RAB27A: variants seen among roughly 807,000 people sequenced by gnomAD.
The protein encoded by RAB27A is ras-related protein Rab-27A.
Under a neutral mutation model 20.8 loss-of-function variants are expected in RAB27A, and 17 were observed. The ratio of observed to expected loss-of-function variants is 0.82; its 90% CI spans 0.56 to 1.23. The LOEUF is 1.23. Ranked by LOEUF, RAB27A falls within the 50% of genes most tolerant of loss-of-function variation. RAB27A has a pLI of 0.00. For missense variants in RAB27A, 277 were observed against 266.7 expected (o/e 1.04, Z -0.27); for synonymous variants, 85 against 92.8 (o/e 0.92, Z 0.48).
chr15:55,312,096 AC>A (rs2055023470), intron 2 of RAB27A, among the ~76,000 whole-genome samples: 1 of 152,210 alleles, frequency 6.6e-6, no homozygotes, highest in African/African-American at 2.4e-5. Flanking sequence ...ATTAGGACGA[AC>A]CCAGGCTCTT....
intron 2 of RAB27A, among the ~76,000 whole-genome samples, chr15:55,307,717 G>A (rs940099492): frequency 3.3e-5 from 5 of 150,522 alleles, no homozygotes; most frequent in South Asian, 2.1e-4. Context: ...CTGTGATTTT[G>A]GCATGTGGAT....
intron 2 of RAB27A, among the ~76,000 whole-genome samples, chr15:55,254,397 A>C (rs1566922648): frequency 6.6e-6 from 1 of 152,144 alleles, no homozygotes; most frequent in Non-Finnish European, 1.5e-5. Flanking sequence ...ATATCACTTT[A>C]AAACCACATA....
chr15:55,241,266 A>G (rs998803622), intron 2 of RAB27A, among the ~76,000 whole-genome samples: 2 of 152,178 alleles, frequency 1.3e-5, no homozygotes, highest in African/African-American at 2.4e-5. Context: ...CCTCAAGGAA[A>G]TATCTTCTAA....
intron 2 of RAB27A, among the ~76,000 whole-genome samples, chr15:55,259,199 T>A (rs76276618): frequency 2.0e-5 from 3 of 152,186 alleles, no homozygotes; most frequent in Non-Finnish European, 2.9e-5. Flanking sequence ...ATATTCTTAC[T>A]GTTTTTGGTT....
chr15:55,252,146 C>G (rs1595717520), intron 2 of RAB27A, among the ~76,000 whole-genome samples: 8 of 152,074 alleles, frequency 5.3e-5, no homozygotes, highest in Admixed American at 5.2e-4. Context: ...TCCAAGAATT[C>G]AAGAGGACAT....
intron 2 of RAB27A, among the ~76,000 whole-genome samples, chr15:55,262,631 C>CTT (rs755378962): frequency 1.2e-3 from 146 of 116,958 alleles, no homozygotes; most frequent in African/African-American, 5.3e-3. Context: ...TCTTTTTTTT[C>CTT]TTTTTTTTTG....
intron 2 of RAB27A, among the ~76,000 whole-genome samples, chr15:55,266,812 C>T (rs1296792433): frequency 1.3e-5 from 2 of 152,218 alleles, no homozygotes; most frequent in African/African-American, 4.8e-5. Flanking sequence ...CCACATTACA[C>T]TGTACGGTAC....
intron 1 of RAB27A, among the ~76,000 whole-genome samples, chr15:55,285,554 A>C (rs972704212): frequency 2.6e-5 from 4 of 152,168 alleles, no homozygotes; most frequent in Non-Finnish European, 5.9e-5. Context: ...TCATGTCTGC[A>C]CCTAGCTTAA....
intron 2 of RAB27A, among the ~76,000 whole-genome samples, chr15:55,265,505 C>T (rs1414625664): frequency 6.6e-6 from 1 of 152,030 alleles, no homozygotes; most frequent in Non-Finnish European, 1.5e-5. Context: ...ACGACTTTAC[C>T]TCACATGTCA....
intron 2 of RAB27A, among the ~76,000 whole-genome samples, chr15:55,298,754 A>G (rs1467039338): frequency 6.6e-6 from 1 of 152,188 alleles, no homozygotes; most frequent in African/African-American, 2.4e-5. Context: ...GGGCACACCC[A>G]GGGGGGCCGT....
At chr15:55,228,852 G>C in intron 4 of RAB27A, 140 bp from the exon 5 acceptor site, 1 of 704,818 alleles carries the variant, frequency 1.4e-6, no homozygotes, top group Non-Finnish European at 2.6e-6. Context: ...ATATAGGATA[G>C]TTATTTATCA....
intron 2 of RAB27A, among the ~76,000 whole-genome samples, chr15:55,265,588 G>A (rs1392530082): frequency 6.6e-6 from 1 of 151,212 alleles, no homozygotes; most frequent in Non-Finnish European, 1.5e-5. Context: ...TCCAAAACAT[G>A]TAACTGAGTT....
chr15:55,214,173 A>T (rs1895156794), intron 6 of RAB27A, among the ~76,000 whole-genome samples: 1 of 152,230 alleles, frequency 6.6e-6, no homozygotes, highest in African/African-American at 2.4e-5. Context: ...GCGATGGCTG[A>T]TGCCTGTAAT....
At chr15:55,287,749 A>G (rs1490110067) in intron 1 of RAB27A, among the ~76,000 whole-genome samples, 2 of 145,142 alleles carry the variant, frequency 1.4e-5, no homozygotes, top group South Asian at 2.2e-4. Context: ...CTCCATCTCG[A>G]AAAAAAAAAA....
chr15:55,211,140 C>A (rs1467494828), intron 6 of RAB27A, among the ~76,000 whole-genome samples: 1 of 152,100 alleles, frequency 6.6e-6, no homozygotes, highest in Non-Finnish European at 1.5e-5. Context: ...ATGCCAGTAC[C>A]ATGCTGATTT....
intron 2 of RAB27A, among the ~76,000 whole-genome samples, chr15:55,303,138 G>A (rs2054981062): frequency 7.8e-6 from 1 of 128,076 alleles, no homozygotes; most frequent in Non-Finnish European, 1.7e-5. Flanking sequence ...AGGTGGGGGG[G>A]TCAGCCCCCC....
At chr15:55,211,435 G>A (rs1288829635) in intron 6 of RAB27A, among the ~76,000 whole-genome samples, 1 of 151,974 alleles carries the variant, frequency 6.6e-6, no homozygotes, top group East Asian at 1.9e-4. Flanking sequence ...TCTCTCACCT[G>A]TGTTTTATAG....
intron 2 of RAB27A, among the ~76,000 whole-genome samples, chr15:55,265,570 G>A (rs746672129): frequency 2.6e-5 from 4 of 151,746 alleles, no homozygotes; most frequent in Non-Finnish European, 5.9e-5. Flanking sequence ...AATAATTCTT[G>A]ATGCCAATCC....
At position 55,284,552 on chromosome 15, in the gene RAB27A, T is replaced by C. The variant is rs562850800; in HGVS notation, c.-143+5164A>G. ...AACCACATGGGGCTTTCAACAGTTATGCGGCTCTCAGAGAAAAGTCAAAGT... is the reference window on the plus strand; with the variant it reads ...AACCACATGGGGCTTTCAACAGTTACGCGGCTCTCAGAGAAAAGTCAAAGT... On this transcript the variant is annotated intron_variant, in intron 1 of 6. Transcript: ENST00000336787. 2.9e-4 allele frequency among the ~76,000 whole-genome samples: 44 copies of C among 152,358 alleles called. No individual in the cohort carries two copies. The Middle Eastern group carries it at 0.01, about 35-fold the overall frequency.
Sources: allele counts gnomAD v4.1 joint callset (sites outside exome capture counted in the v4.1 genomes callset), GRCh38; gene constraint gnomAD v4.1.1; transcripts MANE v1.5; gene names NCBI Gene and HGNC (gene_info 2026-07-23, HGNC 2026-07-21).